ADGRV1: variants seen among roughly 807,000 people sequenced by gnomAD.
ADGRV1 encodes G-protein coupled receptor 98.
Under a neutral mutation model 596.2 loss-of-function variants are expected in ADGRV1, and 359 were observed. That is an observed-to-expected ratio of 0.60 (90% CI 0.55 to 0.66). ADGRV1 has a LOEUF of 0.66. Ranked by LOEUF, ADGRV1 falls within the 30% of genes least tolerant of loss-of-function variation. The pLI, the probability that ADGRV1 is intolerant of heterozygous loss-of-function variation, is 0.00. For synonymous variants in ADGRV1, 2,681 were observed against 2,679.2 expected, an observed-to-expected ratio of 1.00 and a Z score of -0.02; for missense variants, 7,274 against 7,575.6, an observed-to-expected ratio of 0.96 and a Z score of 1.48.
chr5:91,097,083 A>G (rs962003619), intron 86 of ADGRV1, among the ~76,000 whole-genome samples: 3 of 152,362 alleles, frequency 2.0e-5, no homozygotes, highest in Non-Finnish European at 2.9e-5. Flanking sequence ...TGTTTAGGCT[A>G]TTACAGAATA....
chr5:90,816,948 A>C (rs1279809071), intron 75 of ADGRV1, among the ~76,000 whole-genome samples: 1 of 152,046 alleles, frequency 6.6e-6, no homozygotes, highest in Non-Finnish European at 1.5e-5. Flanking sequence ...GGCTGGGTCA[A>C]ATGGTATTTC....
Position 90,815,739 on chromosome 5 carries a change from A to G in ADGRV1, c.16196+3A>G, listed in dbSNP as rs374531332. On this transcript the variant is annotated splice_donor_region_variant and intron_variant, in intron 75 of 89. Coordinates refer to ENST00000405460, the MANE Select transcript of ADGRV1 (RefSeq NM_032119.4). ...ATTGTCACAAGACAGCCAAACAGGTATGTGTATATATAGTATATGGAAGAC... is the reference window on the plus strand; with the variant it reads ...ATTGTCACAAGACAGCCAAACAGGTGTGTGTATATATAGTATATGGAAGAC... 24 of 1,374,926 alleles carry G rather than the reference A, an allele frequency of 1.7e-5. No homozygotes were observed. In the Middle Eastern group the frequency reaches 1.8e-3, roughly 101 times the overall value. 85.2% of individuals were successfully genotyped at this position (1,374,926 alleles called of 1,614,324 possible). A position where few individuals can be genotyped will look rare whatever the true frequency, so the allele number is the denominator to read the frequency against.
chr5:91,159,488 A>G (rs1203610420), intron 89 of ADGRV1, among the ~76,000 whole-genome samples: 6 of 152,220 alleles, frequency 3.9e-5, no homozygotes, highest in East Asian at 3.8e-4. Context: ...AATTTTAACC[A>G]TATTACATTT....
At chr5:90,567,845 T>G (rs1755849394) in intron 1 of ADGRV1, among the ~76,000 whole-genome samples, 1 of 151,970 alleles carries the variant, frequency 6.6e-6, no homozygotes, top group Admixed American at 6.6e-5. Flanking sequence ...GTTCAAGCGA[T>G]TCTCCTGCCT....
chr5:90,890,346 A>G (rs901617922), intron 83 of ADGRV1, among the ~76,000 whole-genome samples: 2 of 152,088 alleles, frequency 1.3e-5, no homozygotes, highest in Non-Finnish European at 2.9e-5. Context: ...TGAACTCTGA[A>G]TGGTTTCCAC....
At chr5:90,580,715 T>G (rs1757913979) in intron 1 of ADGRV1, among the ~76,000 whole-genome samples, 2 of 152,196 alleles carry the variant, frequency 1.3e-5, no homozygotes, top group South Asian at 4.1e-4. Context: ...CCTTAACATT[T>G]TTTCCTTCAT....
At chr5:91,116,979 G>C (rs1792902002) in intron 87 of ADGRV1, among the ~76,000 whole-genome samples, 1 of 152,156 alleles carries the variant, frequency 6.6e-6, no homozygotes. Flanking sequence ...GTACGCAGAG[G>C]AGTACTATGC....
rs559795258 is a variant in ADGRV1 at position 90,949,802 on chromosome 5, G to A, written c.17857-15613G>A. Among the ~76,000 whole-genome samples, 4 of 152,240 alleles carry A rather than the reference G, an allele frequency of 2.6e-5. No individual in the cohort carries two copies. In the South Asian group the frequency reaches 6.2e-4, roughly 24 times the overall value. On this transcript the variant is annotated intron_variant, in intron 83 of 89. Transcript: ENST00000405460. Reference sequence around the variant, plus strand: ...ATAGAATGTTAGAGCTGTAAGACAAGGTATATTACATTTCATCCAGCCCAA... The same window carrying A: ...ATAGAATGTTAGAGCTGTAAGACAAAGTATATTACATTTCATCCAGCCCAA...
At chr5:90,917,729 C>G (rs761978833) in intron 83 of ADGRV1, among the ~76,000 whole-genome samples, 4 of 152,094 alleles carry the variant, frequency 2.6e-5, no homozygotes, top group Non-Finnish European at 5.9e-5. Context: ...CTACAGAAAG[C>G]GTGCTACCAA....
At position 90,957,738 on chromosome 5, in the gene ADGRV1, G is replaced by A. The variant is rs1465832750; in HGVS notation, c.17857-7677G>A. Among the ~76,000 whole-genome samples the A allele has an allele frequency of 2.0e-5, 3 of 150,718 alleles. No homozygotes were observed. In the East Asian group the frequency reaches 5.8e-4, roughly 29 times the overall value. ...ATTAACTATTGAAGAAAAAATAATA[G>A]CAAAGTAGTGTGAGGTTTGCAACAT... is the stretch of plus-strand genomic sequence containing the variant. On this transcript the variant is annotated intron_variant, in intron 83 of 89. Transcript: ENST00000405460.
At chr5:90,726,409 G>C (rs909077637) in intron 48 of ADGRV1, among the ~76,000 whole-genome samples, 2 of 152,066 alleles carry the variant, frequency 1.3e-5, no homozygotes, top group Non-Finnish European at 2.9e-5. Flanking sequence ...TTCCCTTCTA[G>C]TTTTCATTTC....
Position 91,035,861 on chromosome 5 carries a change from T to TAATATATATATATATATA in ADGRV1, c.18153-36586_18153-36585insAATATATATATATATATA. 4.4e-3 allele frequency among the ~76,000 whole-genome samples: 420 copies of TAATATATATATATATATA among 96,336 alleles called. 7 individuals carry two copies. Among genetic ancestry groups the TAATATATATATATATATA allele is most frequent in the Non-Finnish European group, 7.2e-3 (332 of 46,034 alleles). The allele number at this position is 96,336 out of a possible 152,430, so 63.2% of individuals were successfully genotyped here. On this transcript the variant is annotated intron_variant, in intron 85 of 89. Coordinates refer to ENST00000405460, the MANE Select transcript of ADGRV1 (RefSeq NM_032119.4). ...ATGAGTGTGTATATATATATATATA[T>TAATATATATATATATATA]TATATATATATATATATATATCTTA...
At chr5:91,101,759 G>T (rs1046584833) in intron 86 of ADGRV1, among the ~76,000 whole-genome samples, 1 of 149,538 alleles carries the variant, frequency 6.7e-6, no homozygotes, top group African/African-American at 2.5e-5. Flanking sequence ...TGTGAGTACA[G>T]GTTTTTCCAA....
intron 47 of ADGRV1, 85 bp from the exon 48 acceptor site, chr5:90,725,464 G>A (rs2149797188): frequency 1.2e-6 from 1 of 825,602 alleles, no homozygotes; most frequent in Non-Finnish European, 2.0e-6. Flanking sequence ...TTGCACTTCA[G>A]ATTTTAACTC....
intron 1 of ADGRV1, among the ~76,000 whole-genome samples, chr5:90,603,660 G>A (rs1761702757): frequency 1.3e-5 from 2 of 152,064 alleles, no homozygotes; most frequent in South Asian, 4.1e-4. Context: ...AGACTAGATT[G>A]GAGCCCAAAG....
intron 87 of ADGRV1, among the ~76,000 whole-genome samples, chr5:91,108,279 A>T (rs968488233): frequency 1.3e-5 from 2 of 152,206 alleles, no homozygotes; most frequent in African/African-American, 2.4e-5. Context: ...TTTTTTAAGT[A>T]TGTTCCATAA....
chr5:90,872,423 TTGTGTGTGTGTGTGTGTGTGTG>T (rs55743704), intron 83 of ADGRV1, among the ~76,000 whole-genome samples: 3 of 147,338 alleles, frequency 2.0e-5, no homozygotes, highest in East Asian at 2.0e-4. Flanking sequence ...TGGTATGAGC[TTGTGTGTGTGTGTGTGTGTGTG>T]TGTGTGTGTG....
intron 85 of ADGRV1, among the ~76,000 whole-genome samples, chr5:91,070,065 C>A (rs753788204): frequency 6.6e-6 from 1 of 152,094 alleles, no homozygotes; most frequent in Non-Finnish European, 1.5e-5. Context: ...ATTGGGTACT[C>A]TTGGACGTAA....
intron 45 of ADGRV1, 37 bp downstream of exon 45, chr5:90,721,096 C>A (rs756133522): frequency 6.4e-7 from 1 of 1,574,150 alleles, no homozygotes; most frequent in Non-Finnish European, 8.7e-7. Context: ...AATTCTGTAA[C>A]GAAAAAATAT....
Sources: allele counts gnomAD v4.1 joint callset (sites outside exome capture counted in the v4.1 genomes callset), GRCh38; gene constraint gnomAD v4.1.1; transcripts MANE v1.5; gene names NCBI Gene and HGNC (gene_info 2026-07-23, HGNC 2026-07-21).